Variants in IQGAP2 observed in about 807,000 individuals in gnomAD.
IQGAP2 encodes IQ motif containing GTPase activating protein 2.
Under a neutral mutation model 201.3 loss-of-function variants are expected in IQGAP2, and 173 were observed. The observed-to-expected ratio is 0.86, with a 90% CI of 0.76 to 0.98. IQGAP2 has a LOEUF of 0.98. Among genes scored for constraint, IQGAP2 ranks in the 50% least tolerant of loss-of-function variants. IQGAP2 has a pLI of 0.00. For synonymous variants in IQGAP2, 675 were observed against 673.9 expected, an observed-to-expected ratio of 1.00 and a Z score of -0.03; for missense variants, 1,687 against 1,864.8, an observed-to-expected ratio of 0.90 and a Z score of 1.76.
chr5:76,477,313 C>G (rs1755492508), intron 2 of IQGAP2, among the ~76,000 whole-genome samples: 1 of 152,194 alleles, frequency 6.6e-6, no homozygotes, highest in South Asian at 2.1e-4. Flanking sequence ...TGCACTCCAT[C>G]CTGTGTGAAA....
At position 76,461,638 on chromosome 5, in the gene IQGAP2, G is replaced by A. The variant is rs760630948; in HGVS notation, c.115G>A (p.Glu39Lys). The A allele has an allele frequency of 1.2e-6, 2 of 1,613,920 alleles. No homozygotes were observed. The highest frequency in any genetic ancestry group is 2.2e-5 in the South Asian group (2 of 91,066). Reference protein sequence around the residue: ...DERRRQNIAYEYLCHLEEAKR... With the variant: ...DERRRQNIAYKYLCHLEEAKR... Reference sequence around the variant, plus strand: ...GAGGAGGCGGCAGAACATTGCTTATGAATATCTGTGCCACTTAGAGGAAGC... The same window carrying A: ...GAGGAGGCGGCAGAACATTGCTTATAAATATCTGTGCCACTTAGAGGAAGC... The change falls in exon 2 of 36, where the codon GAA (glutamate) becomes AAA (lysine). Residue 39 changes from glutamate (E) to lysine (K), a missense_variant. Coordinates refer to ENST00000274364, the MANE Select transcript of IQGAP2 (RefSeq NM_006633.5).
chr5:76,537,718 G>A (rs1759709104), intron 2 of IQGAP2, among the ~76,000 whole-genome samples: 1 of 152,096 alleles, frequency 6.6e-6, no homozygotes, highest in Non-Finnish European at 1.5e-5. Context: ...AAATCACTAT[G>A]GGTGTTTGCA....
At chr5:76,672,318 C>CT (rs1282341429) in intron 24 of IQGAP2, among the ~76,000 whole-genome samples, 2 of 152,034 alleles carry the variant, frequency 1.3e-5, no homozygotes, top group African/African-American at 4.8e-5. Context: ...AGGCAAGTAA[C>CT]TTTAAGGTGT....
At chr5:76,416,162 G>A (rs73766908) in intron 1 of IQGAP2, among the ~76,000 whole-genome samples, 146 of 152,278 alleles carry the variant, frequency 9.6e-4, no homozygotes, top group African/African-American at 3.4e-3. Flanking sequence ...GTATAAGGTG[G>A]AATTTACATA....
intron 1 of IQGAP2, among the ~76,000 whole-genome samples, chr5:76,416,486 C>A (rs1210602394): frequency 6.6e-6 from 1 of 151,838 alleles, no homozygotes; most frequent in Non-Finnish European, 1.5e-5. Flanking sequence ...AGGACTTAGA[C>A]TGAGGTGCCA....
intron 2 of IQGAP2, among the ~76,000 whole-genome samples, chr5:76,497,392 CA>C: frequency 6.6e-6 from 1 of 152,234 alleles, no homozygotes; most frequent in South Asian, 2.1e-4. Context: ...AATATCCCTG[CA>C]AAGGTGATTT....
At chr5:76,650,298 T>C (rs1412378505) in intron 17 of IQGAP2, among the ~76,000 whole-genome samples, 1 of 152,246 alleles carries the variant, frequency 6.6e-6, no homozygotes. Context: ...TTTACACATG[T>C]GCGTATTTCA....
chr5:76,542,153 A>T lies in IQGAP2; in HGVS notation c.147-20243A>T, dbSNP rs528998168. On this transcript the variant is annotated intron_variant, in intron 2 of 35. Coordinates refer to ENST00000274364, the MANE Select transcript of IQGAP2 (RefSeq NM_006633.5). ...CATGCAACACCATGCCATACTAATT[A>T]AAAAAAAAAATTGATAGAGATGGTG... Among the ~76,000 whole-genome samples, 459 of 95,936 alleles carry T rather than the reference A, an allele frequency of 4.8e-3. 6 individuals carry two copies. Among genetic ancestry groups the T allele is most frequent in the African/African-American group, 0.017 (437 of 26,070 alleles). 62.9% of individuals were successfully genotyped at this position (95,936 alleles called of 152,430 possible). A position where few individuals can be genotyped will look rare whatever the true frequency, so the allele number is the denominator to read the frequency against.
intron 2 of IQGAP2, among the ~76,000 whole-genome samples, chr5:76,522,177 C>G (rs1758720280): frequency 1.5e-5 from 2 of 131,650 alleles, no homozygotes. Flanking sequence ...GAGCATATCC[C>G]TAGAATTTTT....
chr5:76,601,510 C>A (rs183779822), intron 11 of IQGAP2, among the ~76,000 whole-genome samples: 3 of 152,314 alleles, frequency 2.0e-5, no homozygotes, highest in Non-Finnish European at 4.4e-5. Flanking sequence ...AAGTGTGCTA[C>A]CAGATAGTAC....
chr5:76,622,689 G>C (rs1749818631), intron 13 of IQGAP2, among the ~76,000 whole-genome samples: 1 of 152,144 alleles, frequency 6.6e-6, no homozygotes, highest in East Asian at 1.9e-4. Flanking sequence ...AGTCAAAAAA[G>C]GTCATTCATT....
intron 1 of IQGAP2, among the ~76,000 whole-genome samples, chr5:76,431,960 G>T (rs1388828963): frequency 2.0e-5 from 3 of 151,744 alleles, no homozygotes; most frequent in Admixed American, 1.3e-4. Context: ...AGAAATTAAG[G>T]GTAGACATAC....
At chr5:76,596,572 A>C (rs1034967258) in intron 9 of IQGAP2, among the ~76,000 whole-genome samples, 7 of 152,214 alleles carry the variant, frequency 4.6e-5, no homozygotes, top group African/African-American at 1.4e-4. Flanking sequence ...TTATGAAGAA[A>C]AGAGGCTTAA....
intron 12 of IQGAP2, among the ~76,000 whole-genome samples, chr5:76,609,934 G>C (rs1000748217): frequency 6.7e-6 from 1 of 148,798 alleles, no homozygotes; most frequent in Non-Finnish European, 1.5e-5. Flanking sequence ...TTAATAATAA[G>C]GTATTGAGAA....
At position 76,461,236 on chromosome 5, in the gene IQGAP2, C is replaced by T. The variant is rs574781062; in HGVS notation, c.47-334C>T. ...TAAAAAAACTAGCCAAGTGTGGTGG[C>T]GTGTGCCTGTAGTCCCAGCTACTTG... On this transcript the variant is annotated intron_variant, in intron 1 of 35. Transcript: ENST00000274364. 7.3e-5 allele frequency among the ~76,000 whole-genome samples: 11 copies of T among 151,660 alleles called. No homozygotes were observed. The South Asian group carries it at 1.7e-3, about 23-fold the overall frequency.
chr5:76,433,115 C>T (rs1381262043), intron 1 of IQGAP2, among the ~76,000 whole-genome samples: 1 of 152,044 alleles, frequency 6.6e-6, no homozygotes, highest in African/African-American at 2.4e-5. Context: ...GGGAGGTACC[C>T]CAAATACTTG....
chr5:76,425,306 TG>T (rs1392310346), intron 1 of IQGAP2, among the ~76,000 whole-genome samples: 1 of 152,200 alleles, frequency 6.6e-6, no homozygotes, highest in Non-Finnish European at 1.5e-5. Flanking sequence ...TTTTATTGCT[TG>T]GTTTCCTTTT....
rs1325659119 is a variant in IQGAP2, at chr5:76,641,103, G to A, written c.2094G>A (p.Gln698=). Reference sequence around the variant, plus strand: ...AAGAAGAGAATGTGGTCAAAATACAGGTATGTGGATCACCTGCCACTGTTT... The same window carrying A: ...AAGAAGAGAATGTGGTCAAAATACAAGTATGTGGATCACCTGCCACTGTTT... ...HEQEENVVKI[Q]AFWKGYKQRK... is the part of the protein sequence containing the mutation. The change falls in exon 17 of 36, where the codon CAG becomes CAA. Residue 698 remains glutamine, a splice_region_variant and synonymous_variant. Transcript: ENST00000274364. The A allele has an allele frequency of 6.3e-7, 1 of 1,589,802 alleles. No homozygotes were observed. Among genetic ancestry groups the A allele is most frequent in the Non-Finnish European group, 8.6e-7 (1 of 1,161,332 alleles).
At chr5:76,672,113 C>A in intron 24 of IQGAP2, 130 bp downstream of exon 24, 1 of 668,160 alleles carries the variant, frequency 1.5e-6, no homozygotes, top group Non-Finnish European at 2.6e-6. Context: ...ATGTTACCTC[C>A]CTTTAACATA....
Sources: gnomAD v4.1 joint callset for allele counts (sites outside exome capture counted in the v4.1 genomes callset) on GRCh38, gnomAD v4.1.1 for gene constraint, MANE v1.5 for transcripts, NCBI Gene and HGNC (gene_info 2026-07-23, HGNC 2026-07-21) for gene names.